VPS37A: variants seen among roughly 807,000 people sequenced by gnomAD.
The protein encoded by VPS37A is VPS37A subunit of ESCRT-I, also known as vacuolar protein sorting-associated protein 37A.
VPS37A carries 30 observed loss-of-function variants against 49.8 expected under a neutral mutation model. The observed-to-expected ratio is 0.60, with a 90% confidence interval of 0.45 to 0.82. The LOEUF (loss-of-function observed/expected upper bound fraction) is 0.82. VPS37A is among the 40% of genes least tolerant of loss of function. The pLI is 0.00. For missense variants in VPS37A, 593 were observed against 464.4 expected, an observed-to-expected ratio of 1.28 and a Z score of -2.55; for synonymous variants, 195 against 160.6, an observed-to-expected ratio of 1.21 and a Z score of -1.62.
intron 11 of VPS37A, among the ~76,000 whole-genome samples, chr8:17,292,292 CTGCTTTTTTT>C (rs997382797): frequency 6.6e-6 from 1 of 152,090 alleles, no homozygotes; most frequent in Admixed American, 6.6e-5. Flanking sequence ...ATTGCAACCC[CTGCTTTTTTT>C]TACTTTCCAT....
chr8:17,322,950 C>CTTTTTTT, the VPS37A span, among the ~76,000 whole-genome samples: 555 of 125,710 alleles, frequency 4.4e-3, 25 homozygotes, highest in African/African-American at 0.013. Flanking sequence ...ATTGAATTAT[C>CTTTTTTT]TTTTTTTTTT....
the VPS37A span, among the ~76,000 whole-genome samples, chr8:17,325,704 T>C: frequency 1.3e-5 from 2 of 152,188 alleles, no homozygotes; most frequent in African/African-American, 4.8e-5. Context: ...ATGTCTTGTT[T>C]ATTAAATCAT....
At chr8:17,283,098 A>T (rs865956068) in intron 9 of VPS37A, among the ~76,000 whole-genome samples, 1 of 152,330 alleles carries the variant, frequency 6.6e-6, no homozygotes, top group South Asian at 2.1e-4. Context: ...GGCAATGAGA[A>T]AATGGTGCAT....
At chr8:17,332,142 G>A in the VPS37A span, among the ~76,000 whole-genome samples, 1 of 152,086 alleles carries the variant, frequency 6.6e-6, no homozygotes, top group Admixed American at 6.6e-5. Flanking sequence ...AACAGCATTC[G>A]CTGACCATTC....
chr8:17,286,475 C>G (rs1005717657), intron 11 of VPS37A, 48 bp downstream of exon 11: 1 of 1,528,134 alleles, frequency 6.5e-7, no homozygotes, highest in Non-Finnish European at 9.0e-7. Flanking sequence ...CATCAGTGTT[C>G]TTTAAATAGA....
intron 4 of VPS37A, among the ~76,000 whole-genome samples, chr8:17,273,023 C>CTTTTTTTTTTTTTTT (rs1166192119): frequency 2.3e-5 from 1 of 43,828 alleles, no homozygotes. Flanking sequence ...TTTGCCCTTC[C>CTTTTTTTTTTTTTTT]TTTTTTTTTT....
the VPS37A span, chr8:17,311,700 C>A: frequency 6.2e-7 from 1 of 1,608,552 alleles, no homozygotes; most frequent in Non-Finnish European, 8.5e-7. Flanking sequence ...AACCTCTCAT[C>A]ACAGCCAGGT....
chr8:17,307,919 G>A, the VPS37A span, among the ~76,000 whole-genome samples: 1 of 151,838 alleles, frequency 6.6e-6, no homozygotes. Flanking sequence ...GATAGCATTA[G>A]GAGATATACC....
At chr8:17,270,955 C>T (rs1186775901) in intron 4 of VPS37A, among the ~76,000 whole-genome samples, 1 of 152,122 alleles carries the variant, frequency 6.6e-6, no homozygotes, top group Non-Finnish European at 1.5e-5. Context: ...AGCTGCCCCT[C>T]ACACACCCAC....
intron 6 of VPS37A, among the ~76,000 whole-genome samples, chr8:17,278,230 C>G (rs1351447549): frequency 2.6e-5 from 4 of 151,866 alleles, no homozygotes; most frequent in Non-Finnish European, 5.9e-5. Flanking sequence ...TCTGGTTGCC[C>G]TTTTTTTAGT....
intron 4 of VPS37A, among the ~76,000 whole-genome samples, chr8:17,274,056 G>C (rs542107038): frequency 1.3e-5 from 2 of 152,180 alleles, no homozygotes; most frequent in East Asian, 3.9e-4. Context: ...GCTTTTTAGA[G>C]TAATATAATG....
chr8:17,265,685 T>G, intron 1 of VPS37A: 2 of 1,244,178 alleles, frequency 1.6e-6, no homozygotes, highest in Non-Finnish European at 2.2e-6. Flanking sequence ...TACATCATCA[T>G]CCCCCTTCCC....
intron 9 of VPS37A, among the ~76,000 whole-genome samples, chr8:17,280,888 A>G (rs1457130121): frequency 1.3e-5 from 2 of 152,020 alleles, no homozygotes; most frequent in Non-Finnish European, 2.9e-5. Context: ...GTGAAAATCA[A>G]AAGAATTTTA....
chr8:17,305,354 G>C (rs190293536), downstream of VPS37A, among the ~76,000 whole-genome samples: 433 of 152,250 alleles, frequency 2.8e-3, 3 homozygotes, highest in African/African-American at 0.01. Context: ...AATCAATACA[G>C]TTTTAATCTG....
intron 1 of VPS37A, chr8:17,248,501 C>T (rs907566925): frequency 2.6e-6 from 1 of 387,944 alleles, no homozygotes; most frequent in Non-Finnish European, 5.2e-6. Flanking sequence ...GTCTCGAACT[C>T]CTGACCTTAG....
chr8:17,276,003 C>T (rs1471365710), intron 5 of VPS37A, among the ~76,000 whole-genome samples: 1 of 152,084 alleles, frequency 6.6e-6, no homozygotes, highest in Non-Finnish European at 1.5e-5. Context: ...TCTACCCTAC[C>T]GTCTCATGTG....
chr8:17,254,610 C>T (rs1812268407), intron 1 of VPS37A, among the ~76,000 whole-genome samples: 1 of 151,978 alleles, frequency 6.6e-6, no homozygotes, highest in Admixed American at 6.6e-5. Context: ...TGATTTTTTT[C>T]CTTGTTTACT....
At chr8:17,294,615 A>T (rs1816467599) in intron 11 of VPS37A, among the ~76,000 whole-genome samples, 1 of 152,120 alleles carries the variant, frequency 6.6e-6, no homozygotes, top group African/African-American at 2.4e-5. Context: ...GGTTGCGAAG[A>T]CCGTGGAAAA....
At chr8:17,327,628 G>A in the VPS37A span, among the ~76,000 whole-genome samples, 2 of 126,256 alleles carry the variant, frequency 1.6e-5, no homozygotes, top group African/African-American at 9.2e-5. Context: ...GTCCCTAAGA[G>A]GAAGAAACCT....
Sources: allele counts gnomAD v4.1 joint callset (sites outside exome capture counted in the v4.1 genomes callset), GRCh38; gene constraint gnomAD v4.1.1; transcripts MANE v1.5; gene names NCBI Gene and HGNC (gene_info 2026-07-23, HGNC 2026-07-21).